SIK3: variants seen among roughly 807,000 people sequenced by gnomAD.
SIK3 encodes serine/threonine-protein kinase SIK3.
Under a neutral mutation model 144.2 loss-of-function variants are expected in SIK3, and 28 were observed. That is an observed-to-expected ratio of 0.19 (90% CI 0.14 to 0.27). SIK3 has a LOEUF of 0.27. Ranked by LOEUF, SIK3 falls within the 10% of genes least tolerant of loss-of-function variation. The pLI is 1.00. For missense variants in SIK3, 1,319 were observed against 1,776.0 expected, an observed-to-expected ratio of 0.74 and a Z score of 4.62; for synonymous variants, 686 against 676.3, an observed-to-expected ratio of 1.01 and a Z score of -0.22.
At chr11:116,931,039 A>C (rs539383866) in intron 3 of SIK3, among the ~76,000 whole-genome samples, 1 of 152,342 alleles carries the variant, frequency 6.6e-6, no homozygotes, top group Non-Finnish European at 1.5e-5. Context: ...CAAAGTAAAA[A>C]AAAGTAAAAA....
chr11:117,087,500 G>A (rs1041390041), intron 1 of SIK3, among the ~76,000 whole-genome samples: 4 of 152,176 alleles, frequency 2.6e-5, no homozygotes, highest in African/African-American at 4.8e-5. Flanking sequence ...GTTTGGTACA[G>A]GGAAAGATGG....
chr11:117,002,971 G>A (rs185758579), intron 1 of SIK3, among the ~76,000 whole-genome samples: 14 of 152,288 alleles, frequency 9.2e-5, no homozygotes, highest in South Asian at 6.2e-4. Flanking sequence ...GATGAAGTCC[G>A]GATTTGCCAG....
At chr11:116,937,280 G>C (rs1256989480) in intron 3 of SIK3, among the ~76,000 whole-genome samples, 1 of 152,188 alleles carries the variant, frequency 6.6e-6, no homozygotes, top group Non-Finnish European at 1.5e-5. Context: ...TTGCCAAAAG[G>C]AATAATGTTA....
In SIK3 at chr11:117,098,276, T is replaced by A. The variant is rs1442420484; in HGVS notation, c.140A>T (p.Gln47Leu). ...APAAVSPAAG[Q>L]PRPPAPASRG... ...GGAGGCCGGGGCTGGGGGACGCGGC[T>A]GGCCGGCCGCAGGGGACACGGCAGC... The change falls in exon 1 of 25, where the codon CAG becomes CTG. Residue 47 changes from glutamine (Q) to leucine (L), a missense_variant. By Grantham distance (113) the Gln-to-Leu change is moderately radical. This residue lies in a region of SIK3 where 114 missense variants were observed against 116.2 expected (regional missense o/e 0.98). Transcript: ENST00000445177. 2 of 1,352,902 alleles carry A rather than the reference T, an allele frequency of 1.5e-6. No homozygotes were observed. Among genetic ancestry groups the A allele is most frequent in the South Asian group, 1.5e-5 (1 of 65,830 alleles). The allele number at this position is 1,352,902 out of a possible 1,614,324, so 83.8% of individuals were successfully genotyped here.
intron 1 of SIK3, among the ~76,000 whole-genome samples, chr11:116,960,875 C>T (rs187190577): frequency 6.6e-6 from 1 of 152,246 alleles, no homozygotes; most frequent in Non-Finnish European, 1.5e-5. Context: ...TTAGGCATTC[C>T]TTGGCAAGGA....
chr11:117,000,821 A>G (rs1329108216), intron 1 of SIK3, among the ~76,000 whole-genome samples: 1 of 152,246 alleles, frequency 6.6e-6, no homozygotes, highest in African/African-American at 2.4e-5. Context: ...TAGCCCAATG[A>G]GATCATTAGT....
intron 1 of SIK3, among the ~76,000 whole-genome samples, chr11:116,991,291 A>G (rs1013119032): frequency 6.6e-6 from 1 of 152,178 alleles, no homozygotes; most frequent in Non-Finnish European, 1.5e-5. Context: ...TATCAAAAAT[A>G]CAAAAATTAA....
At chr11:117,025,128 T>C (rs1340605302) in intron 1 of SIK3, among the ~76,000 whole-genome samples, 1 of 152,160 alleles carries the variant, frequency 6.6e-6, no homozygotes, top group Non-Finnish European at 1.5e-5. Flanking sequence ...TCAGTGTGGA[T>C]ACTCTGGTGC....
chr11:117,000,673 A>C (rs769649100), intron 1 of SIK3, among the ~76,000 whole-genome samples: 7 of 152,214 alleles, frequency 4.6e-5, no homozygotes, highest in Non-Finnish European at 8.8e-5. Flanking sequence ...TTTCAGGTTC[A>C]AGATTTTCTC....
chr11:116,928,281 C>T (rs1417125551), intron 3 of SIK3, among the ~76,000 whole-genome samples: 11 of 152,186 alleles, frequency 7.2e-5, no homozygotes, highest in Non-Finnish European at 1.3e-4. Flanking sequence ...CTTTATCAAA[C>T]CAACAACACA....
chr11:116,950,346 T>C (rs1236865199), intron 3 of SIK3: 1 of 328,062 alleles, frequency 3.0e-6, no homozygotes, highest in Non-Finnish European at 6.2e-6. Context: ...TCGAATAAAC[T>C]TCTGCACTAG....
At chr11:116,890,713 T>C (rs1945054401) in intron 6 of SIK3, among the ~76,000 whole-genome samples, 2 of 152,240 alleles carry the variant, frequency 1.3e-5, no homozygotes, top group Non-Finnish European at 1.5e-5. Context: ...TCTAATTTTT[T>C]TTATTCTGAA....
intron 1 of SIK3, 70 bp downstream of exon 1, chr11:117,098,073 C>A: frequency 1.6e-6 from 2 of 1,232,178 alleles, no homozygotes; most frequent in South Asian, 2.4e-5. Context: ...CCCCGACCCC[C>A]CGGCTGGGGG....
Position 117,008,106 on chromosome 11 carries a change from T to C in SIK3, c.274-51042A>G, listed in dbSNP as rs553495340. On this transcript the variant is annotated intron_variant, in intron 1 of 24. Coordinates refer to ENST00000445177, the MANE Select transcript of SIK3 (RefSeq NM_001366686.3). ...AAAAAAAAAAAAAAAAAAAAAAAAATTGGGAAGGAGTTAGACATATCAAAA... is the reference window on the plus strand; with the variant it reads ...AAAAAAAAAAAAAAAAAAAAAAAAACTGGGAAGGAGTTAGACATATCAAAA... 3.6e-4 allele frequency among the ~76,000 whole-genome samples: 41 copies of C among 113,628 alleles called. No homozygotes were observed. In the Middle Eastern group the frequency reaches 0.017, roughly 48 times the overall value. 74.5% of individuals were successfully genotyped at this position (113,628 alleles called of 152,430 possible).
chr11:117,028,105 T>TACC (rs1952098494), intron 1 of SIK3, among the ~76,000 whole-genome samples: 1 of 152,176 alleles, frequency 6.6e-6, no homozygotes, highest in Admixed American at 6.5e-5. Context: ...CTACTACTAC[T>TACC]ACCACCTCCC....
chr11:117,043,139 T>C (rs568542921), intron 1 of SIK3, among the ~76,000 whole-genome samples: 1 of 152,186 alleles, frequency 6.6e-6, no homozygotes, highest in Non-Finnish European at 1.5e-5. Context: ...CCTGTGAAGT[T>C]GGAGAAACAG....
intron 1 of SIK3, among the ~76,000 whole-genome samples, chr11:117,027,408 T>A (rs760172154): frequency 1.3e-5 from 2 of 150,856 alleles, no homozygotes; most frequent in Non-Finnish European, 3.0e-5. Context: ...CACAAACAAC[T>A]TTCAGGGAAG....
intron 1 of SIK3, among the ~76,000 whole-genome samples, chr11:116,977,533 T>C (rs1346719339): frequency 1.3e-5 from 2 of 152,204 alleles, no homozygotes; most frequent in Admixed American, 6.5e-5. Context: ...AGGTCAGGTC[T>C]GTGTGTAATT....
At chr11:116,896,502 T>C (rs936214436) in intron 5 of SIK3, 126 bp from the exon 6 acceptor site, 8 of 1,003,996 alleles carry the variant, frequency 8.0e-6, no homozygotes, top group African/African-American at 1.6e-5. Context: ...TTTTCTTCCA[T>C]CTTAGAACAG....
Sources: gnomAD v4.1 joint callset for allele counts (sites outside exome capture counted in the v4.1 genomes callset) on GRCh38, gnomAD v4.1.1 for gene constraint, gnomAD v4.1.1 regional missense constraint, MANE v1.5 for transcripts, NCBI Gene and HGNC (gene_info 2026-07-23, HGNC 2026-07-21) for gene names.